LRRTM4: variants seen among roughly 807,000 people sequenced by gnomAD.
The protein encoded by LRRTM4 is leucine rich repeat transmembrane neuronal 4, also known as leucine-rich repeat transmembrane neuronal protein 4.
LRRTM4 carries 25 observed loss-of-function variants against 47.6 expected under a neutral mutation model. The ratio of observed to expected loss-of-function variants is 0.53; its 90% CI spans 0.38 to 0.73. The LOEUF is 0.73. LRRTM4 is among the 30% of genes least tolerant of loss of function. LRRTM4 has a pLI of 0.00. For synonymous variants in LRRTM4, 311 were observed against 269.5 expected (o/e 1.15, Z -1.51); for missense variants, 638 against 713.4 (o/e 0.89, Z 1.20).
chr2:77,432,734 T>C (rs1403547991), intron 3 of LRRTM4, among the ~76,000 whole-genome samples: 1 of 152,222 alleles, frequency 6.6e-6, no homozygotes, highest in African/African-American at 2.4e-5. Flanking sequence ...TGTGTGTATA[T>C]AGATATAGGC....
chr2:77,518,617 C>G lies in LRRTM4; in HGVS notation c.1252G>C (p.Glu418Gln). ...ATAATTTTGTGAAATGAAACATGCT[C>G]ATACTCTTGCTCTGCGCCAGGAATC... is the stretch of plus-strand genomic sequence containing the variant. The part of the protein sequence containing the change: ...FQIPGAEQEY[E>Q]HVSFHKIIAG... The change falls in exon 3 of 4, where the codon GAG becomes CAG. Residue 418 changes from glutamate to glutamine, a missense_variant. Transcript: ENST00000409884. 1 of 1,613,428 alleles carries G rather than the reference C, an allele frequency of 6.2e-7. No individual in the cohort carries two copies.
intron 3 of LRRTM4, among the ~76,000 whole-genome samples, chr2:77,029,715 AAG>A (rs1365201192): frequency 1.3e-5 from 2 of 152,222 alleles, no homozygotes; most frequent in African/African-American, 4.8e-5. Flanking sequence ...CGAATTTCTG[AAG>A]AGAGGGAATA....
At chr2:77,401,829 T>C (rs1426761649) in intron 3 of LRRTM4, among the ~76,000 whole-genome samples, 3 of 151,978 alleles carry the variant, frequency 2.0e-5, no homozygotes, top group Non-Finnish European at 4.4e-5. Context: ...TTGTATCTTC[T>C]ACGATTAGAT....
At chr2:76,971,876 G>A (rs887707026) in intron 3 of LRRTM4, among the ~76,000 whole-genome samples, 3 of 151,812 alleles carry the variant, frequency 2.0e-5, no homozygotes, top group East Asian at 1.9e-4. Flanking sequence ...CGTTTAAATT[G>A]TAATAAAAAC....
At chr2:77,046,090 G>A (rs565303014) in intron 3 of LRRTM4, among the ~76,000 whole-genome samples, 2 of 151,894 alleles carry the variant, frequency 1.3e-5, no homozygotes, top group Admixed American at 6.6e-5. Flanking sequence ...TTAGTATCAT[G>A]TAAGTGGTTC....
intron 3 of LRRTM4, among the ~76,000 whole-genome samples, chr2:77,123,801 G>C (rs960207040): frequency 3.7e-4 from 57 of 152,146 alleles, no homozygotes; most frequent in African/African-American, 1.3e-3. Flanking sequence ...AAACTCAAAA[G>C]GCATAACTAC....
chr2:77,474,965 T>G (rs1156252060), intron 3 of LRRTM4, among the ~76,000 whole-genome samples: 1 of 152,088 alleles, frequency 6.6e-6, no homozygotes, highest in African/African-American at 2.4e-5. Flanking sequence ...ATCTAGAAGA[T>G]ATCCACATGT....
intron 3 of LRRTM4, among the ~76,000 whole-genome samples, chr2:77,478,969 A>G (rs1677543942): frequency 6.6e-6 from 1 of 152,212 alleles, no homozygotes; most frequent in African/African-American, 2.4e-5. Flanking sequence ...ATCTAGGCTC[A>G]CTGCAACCTC....
intron 3 of LRRTM4, among the ~76,000 whole-genome samples, chr2:77,144,245 G>A (rs1387890636): frequency 1.3e-5 from 2 of 152,034 alleles, no homozygotes; most frequent in East Asian, 1.9e-4. Flanking sequence ...GTGGCCTTGA[G>A]AACAGTCACT....
rs957636432 is a variant in LRRTM4 at position 77,131,168 on chromosome 2, G to A, written c.1552-382252C>T. ...TTTTATTATTATTTTATTTTCGTAC[G>A]TATAACACAATAGAGGAAGACTGAT... On this transcript the variant is annotated intron_variant, in intron 3 of 3. Transcript: ENST00000409884. 1.6e-4 allele frequency among the ~76,000 whole-genome samples: 25 copies of A among 152,170 alleles called. No individual in the cohort carries two copies. In the South Asian group the frequency reaches 2.9e-3, roughly 18 times the overall value.
chr2:76,995,539 G>A (rs1176748895), intron 3 of LRRTM4, among the ~76,000 whole-genome samples: 1 of 151,800 alleles, frequency 6.6e-6, no homozygotes, highest in Admixed American at 6.6e-5. Context: ...GAGGCAAACG[G>A]GGGACTGGCT....
At chr2:77,097,570 A>G (rs976057659) in intron 3 of LRRTM4, among the ~76,000 whole-genome samples, 14 of 152,072 alleles carry the variant, frequency 9.2e-5, no homozygotes, top group African/African-American at 2.9e-4. Flanking sequence ...ATATTAGGAC[A>G]GTTAAAAATA....
intron 3 of LRRTM4, among the ~76,000 whole-genome samples, chr2:76,947,528 A>T (rs1675361985): frequency 6.6e-6 from 1 of 151,816 alleles, no homozygotes; most frequent in Admixed American, 6.6e-5. Flanking sequence ...TTTAGTGTTC[A>T]CTCATAATGT....
intron 3 of LRRTM4, among the ~76,000 whole-genome samples, chr2:77,427,744 G>A (rs1558738772): frequency 6.6e-6 from 1 of 152,172 alleles, no homozygotes; most frequent in African/African-American, 2.4e-5. Flanking sequence ...TCTTTACTTA[G>A]ATCTTATAAC....
chr2:76,932,049 A>G lies in LRRTM4; in HGVS notation c.1552-183133T>C, dbSNP rs184109405. 1.8e-4 allele frequency among the ~76,000 whole-genome samples: 28 copies of G among 152,256 alleles called. No individual in the cohort carries two copies. The East Asian group carries it at 5.0e-3, about 27-fold the overall frequency. ...GAATTGATGACTTCGATCAGTAACT[A>G]CTGTGTTTCTCCCATCTTCTGCCCT... On this transcript the variant is annotated intron_variant, in intron 3 of 3. Transcript: ENST00000409884.
chr2:76,806,717 TAC>T (rs1675986219), intron 3 of LRRTM4, among the ~76,000 whole-genome samples: 1 of 152,156 alleles, frequency 6.6e-6, no homozygotes, highest in South Asian at 2.1e-4. Flanking sequence ...ATTTAAAATC[TAC>T]ATTTTAGAAT....
chr2:77,476,782 T>C (rs1294836426), intron 3 of LRRTM4, among the ~76,000 whole-genome samples: 2 of 152,118 alleles, frequency 1.3e-5, no homozygotes, highest in Non-Finnish European at 2.9e-5. Context: ...GTATATTTGG[T>C]GCAAAAGTAG....
At chr2:77,193,352 A>T (rs903170726) in intron 3 of LRRTM4, among the ~76,000 whole-genome samples, 2 of 152,226 alleles carry the variant, frequency 1.3e-5, no homozygotes, top group Non-Finnish European at 2.9e-5. Flanking sequence ...CTGTATTTAA[A>T]TTATCTAAAT....
At chr2:77,474,594 G>A (rs1677315504) in intron 3 of LRRTM4, among the ~76,000 whole-genome samples, 1 of 152,020 alleles carries the variant, frequency 6.6e-6, no homozygotes, top group Admixed American at 6.6e-5. Context: ...TCAAATAAGT[G>A]TTATAGGAAC....
Sources: gnomAD v4.1 joint callset for allele counts (sites outside exome capture counted in the v4.1 genomes callset) on GRCh38, gnomAD v4.1.1 for gene constraint, MANE v1.5 for transcripts, NCBI Gene and HGNC (gene_info 2026-07-23, HGNC 2026-07-21) for gene names.